The following REL variants were observed in gnomAD, a reference collection of about 807,000 sequenced individuals.
The protein encoded by REL is REL proto-oncogene, NF-kB subunit, also known as proto-oncogene c-Rel.
In REL, 15 loss-of-function variants were observed where a neutral mutation model predicts 45.9. The observed-to-expected ratio is 0.33, with a 90% CI of 0.22 to 0.50. The LOEUF is 0.50. Ranked by LOEUF, REL falls within the 20% of genes least tolerant of loss-of-function variation. The pLI is 0.98. For synonymous variants in REL, 239 were observed against 242.1 expected, an observed-to-expected ratio of 0.99 and a Z score of 0.12; for missense variants, 601 against 715.2, an observed-to-expected ratio of 0.84 and a Z score of 1.82.
intron 7 of REL, 40 bp from the exon 8 acceptor site, chr2:60,920,001 T>C: frequency 3.0e-6 from 4 of 1,320,474 alleles, no homozygotes; most frequent in Non-Finnish European, 4.3e-6. Context: ...GATACAATCC[T>C]ATAATTTTTT....
At chr2:60,882,349 A>G (rs1297767406) in intron 1 of REL, among the ~76,000 whole-genome samples, 1 of 152,246 alleles carries the variant, frequency 6.6e-6, no homozygotes, top group Non-Finnish European at 1.5e-5. Context: ...CGAATTAGAA[A>G]ATCCGTGGTA....
At position 60,930,542 on chromosome 2, in the gene REL, CA is replaced by C. The variant is rs1674363622; in HGVS notation, c.*8008del. The C allele has an allele frequency of 6.6e-6, 1 of 152,254 alleles. No individual in the cohort carries two copies. Among genetic ancestry groups the C allele is most frequent in the Non-Finnish European group, 1.5e-5 (1 of 68,024 alleles). 9.4% of individuals were successfully genotyped at this position (152,254 alleles called of 1,614,324 possible). On this transcript the variant is annotated 3_prime_UTR_variant, in exon 10 of 10. Transcript: ENST00000394479. ...AGTCAAATTAATATTTTAACTAATA[CA>C]TCTTAGCAGAGTTTAGTTAAGCACA...
intron 4 of REL, among the ~76,000 whole-genome samples, chr2:60,911,929 CG>C (rs1558811056): frequency 7.6e-6 from 1 of 130,984 alleles, no homozygotes; most frequent in Non-Finnish European, 1.6e-5. Flanking sequence ...ACCCGGGAGG[CG>C]GAGGTTGCAG....
chr2:60,903,156 A>G (rs1673542764), intron 4 of REL, among the ~76,000 whole-genome samples: 1 of 152,200 alleles, frequency 6.6e-6, no homozygotes, highest in Admixed American at 6.5e-5. Context: ...CACTTCTTGT[A>G]TGTCAGGGAG....
In REL at chr2:60,881,726, C is replaced by A; in HGVS notation, c.-115C>A. ...AGAAGGAGGAGGCCTCTAGGGTGGTCGGGGGACTGGGGGCCCCGCCGGCAG... is the reference window on the plus strand; with the variant it reads ...AGAAGGAGGAGGCCTCTAGGGTGGTAGGGGGACTGGGGGCCCCGCCGGCAG... On this transcript the variant is annotated 5_prime_UTR_variant, in exon 1 of 10. Transcript: ENST00000394479. 2 of 856,986 alleles carry A rather than the reference C, an allele frequency of 2.3e-6. No homozygotes were observed. The highest frequency in any genetic ancestry group is 3.6e-6 in the Non-Finnish European group (2 of 548,528). The allele number at this position is 856,986 out of a possible 1,614,324, so 53.1% of individuals were successfully genotyped here. A position where few individuals can be genotyped will look rare whatever the true frequency, so the allele number is the denominator to read the frequency against.
At chr2:60,910,250 G>A (rs902289246) in intron 4 of REL, among the ~76,000 whole-genome samples, 1 of 152,036 alleles carries the variant, frequency 6.6e-6, no homozygotes, top group Admixed American at 6.6e-5. Context: ...CAGATCACGA[G>A]TTCAGGAGAT....
chr2:60,910,552 C>T (rs958731568), intron 4 of REL, among the ~76,000 whole-genome samples: 1 of 150,462 alleles, frequency 6.6e-6, no homozygotes, highest in African/African-American at 2.4e-5. Flanking sequence ...TGACTAACTA[C>T]AAAGTGAAAT....
intron 4 of REL, among the ~76,000 whole-genome samples, chr2:60,906,893 G>GTGTATA (rs1372754896): frequency 3.0e-4 from 36 of 121,396 alleles, no homozygotes; most frequent in African/African-American, 1.1e-3. Context: ...GTGTGTGTGT[G>GTGTATA]TATATATATA....
chr2:60,904,909 T>C (rs1184852440), intron 4 of REL, among the ~76,000 whole-genome samples: 1 of 152,020 alleles, frequency 6.6e-6, no homozygotes, highest in Non-Finnish European at 1.5e-5. Flanking sequence ...AAAAGGAAAG[T>C]AATTTGTTCA....
rs373127382 is a variant in REL, at chr2:60,924,292, C to T, written c.*1757C>T. The T allele has an allele frequency of 4.5e-6, 1 of 222,514 alleles. No individual in the cohort carries two copies. The highest frequency in any genetic ancestry group is 9.0e-6 in the Non-Finnish European group (1 of 111,512). 13.8% of individuals were successfully genotyped at this position (222,514 alleles called of 1,614,324 possible). A position where few individuals can be genotyped will look rare whatever the true frequency, so the allele number is the denominator to read the frequency against. On this transcript the variant is annotated 3_prime_UTR_variant, in exon 10 of 10. Coordinates refer to ENST00000394479, the MANE Select transcript of REL (RefSeq NM_001291746.2). ...TTGTTTTCCCATACCGAAATATAAA[C>T]TTTCTAAGGACAGAAATTTTTGTGC...
intron 4 of REL, among the ~76,000 whole-genome samples, chr2:60,914,601 C>G (rs1673910839): frequency 6.6e-6 from 1 of 152,144 alleles, no homozygotes; most frequent in African/African-American, 2.4e-5. Context: ...CACAATCAAG[C>G]TATGGAACAT....
At chr2:60,911,247 A>G (rs1324261070) in intron 4 of REL, 2 of 152,210 alleles carry the variant, frequency 1.3e-5, no homozygotes, top group African/African-American at 2.4e-5. Flanking sequence ...TGAAATTATT[A>G]TAGTGATAAC....
At chr2:60,913,400 T>G (rs1334523571) in intron 4 of REL, among the ~76,000 whole-genome samples, 1 of 152,200 alleles carries the variant, frequency 6.6e-6, no homozygotes. Context: ...AATTTTCTTC[T>G]GGCTAGTGGC....
chr2:60,882,491 A>T (rs546823745), intron 1 of REL, among the ~76,000 whole-genome samples: 22 of 152,226 alleles, frequency 1.4e-4, no homozygotes, highest in African/African-American at 4.8e-4. Context: ...CCTGGCAAAC[A>T]TGGTGAAACC....
intron 5 of REL, 66 bp from the exon 6 acceptor site, chr2:60,918,125 C>G: frequency 1.1e-6 from 1 of 932,868 alleles, no homozygotes; most frequent in South Asian, 1.6e-5. Flanking sequence ...CAAATTCTTC[C>G]CTGCAAAAAG....
intron 2 of REL, among the ~76,000 whole-genome samples, chr2:60,893,225 A>G (rs1673264526): frequency 6.6e-6 from 1 of 152,142 alleles, no homozygotes; most frequent in South Asian, 2.1e-4. Context: ...ATCTTAATTC[A>G]CTGTTTTATA....
intron 3 of REL, among the ~76,000 whole-genome samples, chr2:60,898,344 C>T (rs1475461779): frequency 6.6e-6 from 1 of 152,202 alleles, no homozygotes; most frequent in African/African-American, 2.4e-5. Flanking sequence ...CATGACCCAC[C>T]TTTATTTCTA....
chr2:60,918,112 C>T (rs1674033470), intron 5 of REL, 79 bp from the exon 6 acceptor site: 1 of 802,464 alleles, frequency 1.2e-6, no homozygotes, highest in East Asian at 2.6e-5. Flanking sequence ...GAATGCTTTT[C>T]CTCAAATTCT....
intron 4 of REL, among the ~76,000 whole-genome samples, chr2:60,904,184 C>T (rs566464242): frequency 3.3e-5 from 5 of 150,078 alleles, no homozygotes; most frequent in Admixed American, 2.0e-4. Flanking sequence ...GGGGGGATCA[C>T]GAGATCAGGA....
Sources: gnomAD v4.1 joint callset for allele counts (sites outside exome capture counted in the v4.1 genomes callset) on GRCh38, gnomAD v4.1.1 for gene constraint, MANE v1.5 for transcripts, NCBI Gene and HGNC (gene_info 2026-07-23, HGNC 2026-07-21) for gene names.